The following KRABD2 variants were observed in gnomAD, a reference collection of about 807,000 sequenced individuals.
KRABD2 encodes the protein KRAB domain containing 2, also known as KRAB domain-containing protein 2.
the KRABD2 span, chr17:8,370,055 A>C: frequency 6.8e-6 from 11 of 1,614,138 alleles, no homozygotes; most frequent in South Asian, 4.4e-5. Context: ...TATGTACATA[A>C]TACCGTATTC....
the KRABD2 span, among the ~76,000 whole-genome samples, chr17:8,363,834 T>C: frequency 0.095 from 4,258 of 44,942 alleles, 267 homozygotes; most frequent in African/African-American, 0.22. Flanking sequence ...ATCATACATA[T>C]ATATATATAT....
At chr17:8,370,807 A>G in the KRABD2 span, among the ~76,000 whole-genome samples, 1 of 152,202 alleles carries the variant, frequency 6.6e-6, no homozygotes, top group Non-Finnish European at 1.5e-5. Flanking sequence ...GGTACCACAT[A>G]ATAACAGCAA....
the KRABD2 span, chr17:8,373,436 G>A: frequency 6.7e-5 from 12 of 179,520 alleles, no homozygotes; most frequent in South Asian, 2.1e-4. Context: ...TCGGCCTCCC[G>A]AGGTGCCGGG....
At chr17:8,375,268 C>T in the KRABD2 span, among the ~76,000 whole-genome samples, 3 of 152,324 alleles carry the variant, frequency 2.0e-5, no homozygotes, top group Admixed American at 6.5e-5. Context: ...GCCTCTGCCT[C>T]CCAAAGTGCT....
chr17:8,365,255 G>A, the KRABD2 span, among the ~76,000 whole-genome samples: 1 of 152,280 alleles, frequency 6.6e-6, no homozygotes, highest in East Asian at 1.9e-4. Context: ...CTCTGGGAAA[G>A]CAAGCAGTGT....
At chr17:8,371,248 A>T in the KRABD2 span, 1 of 1,349,582 alleles carries the variant, frequency 7.4e-7, no homozygotes, top group Non-Finnish European at 1.0e-6. Flanking sequence ...ATATTTTTAA[A>T]TGACGGTTTC....
chr17:8,372,175 A>G, the KRABD2 span: 1 of 548,260 alleles, frequency 1.8e-6, no homozygotes, highest in South Asian at 7.9e-5. The surrounding 1 kb of genome is among the most constrained non-coding windows in gnomAD (Gnocchi z 4.1). Context: ...GTCCTTCACT[A>G]AAAGGGCTTC....
chr17:8,363,860 T>C, the KRABD2 span, among the ~76,000 whole-genome samples: 1 of 62,428 alleles, frequency 1.6e-5, no homozygotes, highest in Non-Finnish European at 3.0e-5. Context: ...TATATATATA[T>C]ATTTATTTAT....
At chr17:8,363,316 G>C in the KRABD2 span, among the ~76,000 whole-genome samples, 4 of 152,134 alleles carry the variant, frequency 2.6e-5, no homozygotes, top group Non-Finnish European at 2.9e-5. Flanking sequence ...AGAAGAAATG[G>C]CCAAGGATGA....
At chr17:8,376,476 C>A in the KRABD2 span, 2 of 1,013,436 alleles carry the variant, frequency 2.0e-6, no homozygotes, top group Non-Finnish European at 2.4e-6. Flanking sequence ...TCCTGAGGAC[C>A]GGGCTGGGAT....
At chr17:8,366,953 C>T in the KRABD2 span, among the ~76,000 whole-genome samples, 5 of 152,106 alleles carry the variant, frequency 3.3e-5, no homozygotes, top group South Asian at 1.0e-3. Context: ...AACCCCTGAC[C>T]TCAAGTGATC....
the KRABD2 span, among the ~76,000 whole-genome samples, chr17:8,363,848 T>C: frequency 1.1e-5 from 1 of 89,888 alleles, no homozygotes; most frequent in African/African-American, 4.0e-5. Flanking sequence ...TATATATATA[T>C]ATATATATAT....
At chr17:8,359,392 G>A in the KRABD2 span, 9 of 357,736 alleles carry the variant, frequency 2.5e-5, no homozygotes, top group Admixed American at 3.4e-4. Flanking sequence ...ATCTGCAAAT[G>A]GTCCTTGGAA....
At chr17:8,376,192 G>A in the KRABD2 span, 2 of 1,231,550 alleles carry the variant, frequency 1.6e-6, no homozygotes, top group Non-Finnish European at 2.0e-6. Context: ...GATGTTTAAA[G>A]GACATTTTGT....
chr17:8,376,177 CA>C, the KRABD2 span: 1 of 1,231,606 alleles, frequency 8.1e-7, no homozygotes, highest in Non-Finnish European at 1.0e-6. Flanking sequence ...GAGCTGAGCA[CA>C]AAAGATGTTT....
chr17:8,366,136 A>AT, the KRABD2 span, among the ~76,000 whole-genome samples: 84 of 151,776 alleles, frequency 5.5e-4, no homozygotes, highest in African/African-American at 1.6e-3. Context: ...CTCAAAAAAA[A>AT]AATAATAAAA....
At chr17:8,361,529 G>A in the KRABD2 span, among the ~76,000 whole-genome samples, 1 of 152,230 alleles carries the variant, frequency 6.6e-6, no homozygotes, top group Non-Finnish European at 1.5e-5. Flanking sequence ...GGGACCATAT[G>A]ATAGTCCAAC....
chr17:8,369,015 A>T, the KRABD2 span: 11 of 1,443,656 alleles, frequency 7.6e-6, no homozygotes, highest in Non-Finnish European at 8.2e-6. Flanking sequence ...AAGGACTGCC[A>T]TGTACAACTT....
chr17:8,360,211 G>A, the KRABD2 span, among the ~76,000 whole-genome samples: 1 of 151,944 alleles, frequency 6.6e-6, no homozygotes, highest in Non-Finnish European at 1.5e-5. Flanking sequence ...ATTGAGACAT[G>A]GGGAAGCAAA....
Sources: allele counts gnomAD v4.1 joint callset (sites outside exome capture counted in the v4.1 genomes callset), GRCh38; gene constraint gnomAD v4.1.1; non-coding constraint Gnocchi (gnomAD v3.1); transcripts MANE v1.5; gene names NCBI Gene and HGNC (gene_info 2026-07-23, HGNC 2026-07-21).